The following LRP1B variants were observed in gnomAD, a reference collection of about 807,000 sequenced individuals.
LRP1B encodes the protein low-density lipoprotein receptor-related protein 1B.
Under a neutral mutation model 556.6 loss-of-function variants are expected in LRP1B, and 217 were observed. The ratio of observed to expected loss-of-function variants is 0.39; its 90% CI spans 0.35 to 0.44. The LOEUF is 0.44. Among genes scored for constraint, LRP1B ranks in the 20% least tolerant of loss-of-function variants. The pLI, the probability that LRP1B is intolerant of heterozygous loss-of-function variation, is 1.00. For synonymous variants in LRP1B, 2,047 were observed against 1,865.8 expected, an observed-to-expected ratio of 1.10 and a Z score of -2.50; for missense variants, 5,053 against 5,620.8, an observed-to-expected ratio of 0.90 and a Z score of 3.23.
chr2:140,519,343 A>T (rs772903067), intron 49 of LRP1B, among the ~76,000 whole-genome samples: 1 of 152,194 alleles, frequency 6.6e-6, no homozygotes, highest in Non-Finnish European at 1.5e-5. Flanking sequence ...CAAACCTAAC[A>T]AAAACAAGAA....
rs148362050 is a variant in LRP1B at position 140,662,304 on chromosome 2, T to C, written c.6799+37946A>G. Among the ~76,000 whole-genome samples, 10 of 152,186 alleles carry C rather than the reference T, an allele frequency of 6.6e-5. No homozygotes were observed. The East Asian group carries it at 1.7e-3, about 26-fold the overall frequency. ...GACAAAATAATCCACAGTTTTTATT[T>C]GCATAAGTATTACACATAGGTGTCT... is the stretch of plus-strand genomic sequence containing the variant. On this transcript the variant is annotated intron_variant, in intron 41 of 90. Transcript: ENST00000389484.
At chr2:141,273,387 T>C (rs867676879) in intron 3 of LRP1B, among the ~76,000 whole-genome samples, 1 of 151,814 alleles carries the variant, frequency 6.6e-6, no homozygotes, top group Non-Finnish European at 1.5e-5. Context: ...GATGCACACA[T>C]AGATAAATGT....
intron 43 of LRP1B, among the ~76,000 whole-genome samples, chr2:140,590,872 T>C (rs1003041146): frequency 6.6e-6 from 1 of 152,186 alleles, no homozygotes; most frequent in East Asian, 1.9e-4. Flanking sequence ...CATATTAAAG[T>C]GTTCACTCTA....
At chr2:140,541,169 G>A (rs976881097) in intron 44 of LRP1B, 71 bp from the exon 45 acceptor site, 38 of 1,307,874 alleles carry the variant, frequency 2.9e-5, no homozygotes, top group South Asian at 7.9e-5. Flanking sequence ...AATATTAATC[G>A]TAAACTATTA....
At chr2:142,026,878 T>C (rs148819760) in intron 1 of LRP1B, among the ~76,000 whole-genome samples, 9 of 152,202 alleles carry the variant, frequency 5.9e-5, no homozygotes, top group Non-Finnish European at 1.3e-4. Context: ...TATCTTCTCA[T>C]GGTACATTTT....
rs576273412 is a variant in LRP1B, at chr2:141,702,515, CAAA to C, written c.205+107761_205+107763del. On this transcript the variant is annotated intron_variant, in intron 2 of 90. Coordinates refer to ENST00000389484, the MANE Select transcript of LRP1B (RefSeq NM_018557.3). ...TGTAAATCCAACAAATTATCCTTAC[CAAA>C]AACTGCTGGCTGCCAGTTAATAGAC... 1.4e-3 allele frequency among the ~76,000 whole-genome samples: 208 copies of C among 151,822 alleles called. 1 individual carries two copies. The highest frequency in any genetic ancestry group is 4.8e-3 in the African/African-American group (201 of 41,470).
chr2:141,782,677 G>C (rs1432885835), intron 2 of LRP1B, among the ~76,000 whole-genome samples: 1 of 151,750 alleles, frequency 6.6e-6, no homozygotes, highest in Non-Finnish European at 1.5e-5. Context: ...GCAATAGTTA[G>C]CAAGTAAAAT....
At chr2:140,793,007 A>G (rs1050368910) in intron 32 of LRP1B, among the ~76,000 whole-genome samples, 2 of 152,102 alleles carry the variant, frequency 1.3e-5, no homozygotes, top group Non-Finnish European at 2.9e-5. Context: ...AGCATACAGT[A>G]TAGTAGTACG....
intron 43 of LRP1B, among the ~76,000 whole-genome samples, chr2:140,561,552 T>G (rs1317867934): frequency 6.6e-6 from 1 of 152,156 alleles, no homozygotes; most frequent in Non-Finnish European, 1.5e-5. Context: ...TATAGAAGTG[T>G]CGGCTGTGAC....
At chr2:140,730,166 C>T (rs1687728409) in intron 35 of LRP1B, among the ~76,000 whole-genome samples, 3 of 152,344 alleles carry the variant, frequency 2.0e-5, no homozygotes, top group Admixed American at 6.5e-5. Context: ...CTCACCATCT[C>T]TATTCTGAAT....
chr2:141,421,311 G>A (rs949520380), intron 3 of LRP1B, among the ~76,000 whole-genome samples: 4 of 152,100 alleles, frequency 2.6e-5, no homozygotes, highest in African/African-American at 9.6e-5. Flanking sequence ...GGCGGATCAC[G>A]AGGTCAGGAG....
chr2:141,548,998 C>T lies in LRP1B; in HGVS notation c.206-68465G>A, dbSNP rs182168883. Among the ~76,000 whole-genome samples the T allele has an allele frequency of 2.3e-3, 343 of 152,142 alleles. 4 individuals are homozygous for T. The highest frequency in any genetic ancestry group is 6.4e-3 in the African/African-American group (264 of 41,502). The stretch of plus-strand genomic sequence containing the variant: ...TGGAAAGATATACAGTTATCTACTA[C>T]AGCAGTAGACCAGATGTCATGATGA... On this transcript the variant is annotated intron_variant, in intron 2 of 90. Coordinates refer to ENST00000389484, the MANE Select transcript of LRP1B (RefSeq NM_018557.3).
intron 3 of LRP1B, among the ~76,000 whole-genome samples, chr2:141,344,129 C>T (rs1011535580): frequency 8.5e-5 from 13 of 152,076 alleles, no homozygotes; most frequent in African/African-American, 2.7e-4. Flanking sequence ...TGTGTTTTGA[C>T]GTTGTTTCCT....
At chr2:141,951,323 T>C (rs576298836) in intron 1 of LRP1B, among the ~76,000 whole-genome samples, 38 of 152,240 alleles carry the variant, frequency 2.5e-4, no homozygotes, top group African/African-American at 8.7e-4. Context: ...TAGTCTCTTA[T>C]CCCTCACATT....
At chr2:140,693,507 A>C (rs2034444087) in intron 41 of LRP1B, among the ~76,000 whole-genome samples, 1 of 152,002 alleles carries the variant, frequency 6.6e-6, no homozygotes, top group African/African-American at 2.4e-5. Flanking sequence ...AATTGCATTA[A>C]ATTTACAGAT....
chr2:140,529,938 G>T (rs1419413269), intron 47 of LRP1B, among the ~76,000 whole-genome samples: 1 of 151,880 alleles, frequency 6.6e-6, no homozygotes, highest in East Asian at 1.9e-4. Context: ...CTATAAAGGG[G>T]CAGTAAATTA....
At chr2:140,903,644 A>G (rs1255264821) in intron 22 of LRP1B, among the ~76,000 whole-genome samples, 1 of 152,070 alleles carries the variant, frequency 6.6e-6, no homozygotes, top group Non-Finnish European at 1.5e-5. Flanking sequence ...TATCTTTTGC[A>G]ACACTTGTAC....
intron 2 of LRP1B, among the ~76,000 whole-genome samples, chr2:141,601,201 A>AATATCTAT (rs1491125615): frequency 2.7e-4 from 28 of 102,808 alleles, no homozygotes; most frequent in Admixed American, 2.5e-3. Context: ...TCTGTCTGTC[A>AATATCTAT]GTATCTATCT....
intron 3 of LRP1B, among the ~76,000 whole-genome samples, chr2:141,401,418 C>CCT (rs147152136): frequency 6.6e-6 from 1 of 152,110 alleles, no homozygotes; most frequent in African/African-American, 2.4e-5. Flanking sequence ...TCACTAACTG[C>CCT]CTCTCTTTTA....
Sources: allele counts gnomAD v4.1 joint callset (sites outside exome capture counted in the v4.1 genomes callset), GRCh38; gene constraint gnomAD v4.1.1; transcripts MANE v1.5; gene names NCBI Gene and HGNC (gene_info 2026-07-23, HGNC 2026-07-21).